ADAM32: variants seen among roughly 807,000 people sequenced by gnomAD.
The protein encoded by ADAM32 is disintegrin and metalloproteinase domain-containing protein 32.
A neutral mutation model predicts 114.9 loss-of-function variants in ADAM32; 89 were observed. That is an observed-to-expected ratio of 0.77 (90% CI 0.65 to 0.92). The LOEUF is 0.92. Among genes scored for constraint, ADAM32 ranks in the 40% least tolerant of loss-of-function variants. The pLI is 0.00. For synonymous variants in ADAM32, 285 were observed against 307.5 expected (o/e 0.93, Z 0.77); for missense variants, 870 against 932.8 (o/e 0.93, Z 0.88).
chr8:39,216,395 A>C (rs1322223043), intron 12 of ADAM32, among the ~76,000 whole-genome samples: 1 of 151,946 alleles, frequency 6.6e-6, no homozygotes, highest in African/African-American at 2.4e-5. Flanking sequence ...TAGTTGATTT[A>C]CATTCCATGT....
chr8:39,123,585 A>G (rs534444915), intron 2 of ADAM32, among the ~76,000 whole-genome samples: 3 of 152,244 alleles, frequency 2.0e-5, no homozygotes, highest in African/African-American at 7.2e-5. Flanking sequence ...ATATGTATCG[A>G]TTAATTTGGG....
rs114180616 is a variant in ADAM32 at position 39,130,895 on chromosome 8, A to T, written c.139-5762A>T. ...AGTAGTCAGTTAGCTTGTGTTGGCTAATAGTTTCATTTATCATGCCTATAA... is the reference window on the plus strand; with the variant it reads ...AGTAGTCAGTTAGCTTGTGTTGGCTTATAGTTTCATTTATCATGCCTATAA... On this transcript the variant is annotated intron_variant, in intron 2 of 24. Transcript: ENST00000379907. 4.9e-3 allele frequency: 2,257 copies of T among 455,962 alleles called. 42 individuals carry two copies. Among genetic ancestry groups the T allele is most frequent in the African/African-American group, 0.04 (1,994 of 49,892 alleles). The allele number at this position is 455,962 out of a possible 1,614,324, so 28.2% of individuals were successfully genotyped here.
At chr8:39,125,507 T>G (rs988909694) in intron 2 of ADAM32, among the ~76,000 whole-genome samples, 3 of 152,188 alleles carry the variant, frequency 2.0e-5, no homozygotes, top group Non-Finnish European at 2.9e-5. Flanking sequence ...TAGATGGAAT[T>G]TCGAACTTGG....
At chr8:39,131,192 G>C (rs563254237) in intron 2 of ADAM32, among the ~76,000 whole-genome samples, 1 of 152,022 alleles carries the variant, frequency 6.6e-6, no homozygotes, top group Non-Finnish European at 1.5e-5. Flanking sequence ...TCCTGACCTC[G>C]TGATCTGCCC....
chr8:39,119,811 C>T (rs1324111149), intron 2 of ADAM32, among the ~76,000 whole-genome samples: 1 of 152,016 alleles, frequency 6.6e-6, no homozygotes, highest in Non-Finnish European at 1.5e-5. Context: ...TATGTTGAAT[C>T]CCTAACCCCT....
At chr8:39,161,096 G>C in intron 7 of ADAM32, 131 bp downstream of exon 7, 1 of 810,926 alleles carries the variant, frequency 1.2e-6, no homozygotes, top group Non-Finnish European at 1.8e-6. Context: ...GTGGAAAAAT[G>C]TGCAAACTGA....
At chr8:39,257,792 C>T (rs562456892) in intron 19 of ADAM32, among the ~76,000 whole-genome samples, 70 of 152,166 alleles carry the variant, frequency 4.6e-4, no homozygotes, top group South Asian at 1.4e-3. Context: ...TAGATTATTA[C>T]ATTTTTATTT....
intron 5 of ADAM32, among the ~76,000 whole-genome samples, chr8:39,150,336 G>C (rs1310584828): frequency 6.6e-6 from 1 of 152,032 alleles, no homozygotes; most frequent in Non-Finnish European, 1.5e-5. Flanking sequence ...TATCTTCTCA[G>C]AGTCATCTCT....
chr8:39,199,343 A>C (rs1304163228), intron 11 of ADAM32, among the ~76,000 whole-genome samples: 1 of 152,104 alleles, frequency 6.6e-6, no homozygotes, highest in Non-Finnish European at 1.5e-5. Flanking sequence ...CAAAATGTGA[A>C]TATTTTGTTC....
intron 23 of ADAM32, 74 bp from the exon 24 acceptor site, chr8:39,283,512 A>G: frequency 1.6e-6 from 2 of 1,249,144 alleles, no homozygotes; most frequent in Non-Finnish European, 2.2e-6. Context: ...AAATTGCCAT[A>G]ACAAATAAAT....
intron 3 of ADAM32, among the ~76,000 whole-genome samples, chr8:39,141,307 G>A (rs752331805): frequency 3.9e-5 from 6 of 152,128 alleles, no homozygotes; most frequent in African/African-American, 4.8e-5. Context: ...GGTCTTTCCT[G>A]CTTTCTTTTG....
intron 14 of ADAM32, chr8:39,224,013 T>G (rs1809172855): frequency 6.6e-6 from 1 of 152,204 alleles, no homozygotes; most frequent in African/African-American, 2.4e-5. Flanking sequence ...GCATTTTGTG[T>G]GTTTGTGTAT....
intron 2 of ADAM32, among the ~76,000 whole-genome samples, chr8:39,131,305 T>A (rs193107594): frequency 4.3e-4 from 65 of 152,150 alleles, no homozygotes; most frequent in African/African-American, 1.6e-3. Flanking sequence ...GGCAACATAG[T>A]GAGATCTCAT....
intron 6 of ADAM32, among the ~76,000 whole-genome samples, chr8:39,156,414 G>A (rs1304417938): frequency 6.6e-6 from 1 of 152,174 alleles, no homozygotes; most frequent in Non-Finnish European, 1.5e-5. Flanking sequence ...CAGAGTGCCA[G>A]GAGTATAAGT....
intron 1 of ADAM32, chr8:39,108,155 C>T (rs911752753): frequency 2.2e-5 from 5 of 227,938 alleles, no homozygotes; most frequent in Non-Finnish European, 4.2e-5. Context: ...GGTGGTGGTG[C>T]GCACCTGTGA....
chr8:39,232,078 A>T lies in ADAM32; in HGVS notation c.1577A>T (p.Asp526Val). 6.2e-7 allele frequency: 1 copy of T among 1,612,802 alleles called. No individual in the cohort carries two copies. The highest frequency in any genetic ancestry group is 8.5e-7 in the Non-Finnish European group (1 of 1,179,104). The change falls in exon 15 of 25, where the codon GAC (aspartate) becomes GTC (valine). Residue 526 changes from aspartate to valine, a missense_variant. Physicochemically the swap from Asp to Val is radical, Grantham distance 152. Transcript: ENST00000379907. Reference protein sequence around the residue: ...ACYEEIQSQSDRFGNCGRDRN... With the variant: ...ACYEEIQSQSVRFGNCGRDRN... ...TATGAAGAAATACAATCTCAATCAGACAGATTTGGGAACTGTGGTAGGGAT... is the reference window on the plus strand; with the variant it reads ...TATGAAGAAATACAATCTCAATCAGTCAGATTTGGGAACTGTGGTAGGGAT...
intron 3 of ADAM32, among the ~76,000 whole-genome samples, chr8:39,140,596 A>G (rs1049873609): frequency 6.6e-6 from 1 of 152,104 alleles, no homozygotes; most frequent in Admixed American, 6.5e-5. Flanking sequence ...TTCATCAGGG[A>G]TATTGGCCTA....
chr8:39,124,814 G>A (rs1802017689), intron 2 of ADAM32, among the ~76,000 whole-genome samples: 1 of 152,130 alleles, frequency 6.6e-6, no homozygotes, highest in South Asian at 2.1e-4. Flanking sequence ...ACATACATGT[G>A]TATGTATCTT....
At chr8:39,153,179 G>A (rs959273087) in intron 6 of ADAM32, among the ~76,000 whole-genome samples, 48 of 151,918 alleles carry the variant, frequency 3.2e-4, no homozygotes, top group African/African-American at 1.1e-3. Context: ...AATAATACAG[G>A]GTCCAAATGA....
Sources: gnomAD v4.1 joint callset for allele counts (sites outside exome capture counted in the v4.1 genomes callset) on GRCh38, gnomAD v4.1.1 for gene constraint, MANE v1.5 for transcripts, NCBI Gene and HGNC (gene_info 2026-07-23, HGNC 2026-07-21) for gene names.